Variants in DNAH14 observed in about 807,000 individuals in gnomAD.
DNAH14 encodes the protein axonemal beta dynein heavy chain 14.
A neutral mutation model predicts 520.9 loss-of-function variants in DNAH14; 478 were observed. That is an observed-to-expected ratio of 0.92 (90% CI 0.85 to 0.99). The LOEUF (loss-of-function observed/expected upper bound fraction) is 0.99, where lower values mean the gene tolerates loss of function less well. Among genes scored for constraint, DNAH14 ranks in the 50% least tolerant of loss-of-function variants. The pLI is 0.00. For missense variants in DNAH14, 4,831 were observed against 5,234.5 expected, an observed-to-expected ratio of 0.92 and a Z score of 2.38; for synonymous variants, 1,581 against 1,757.2, an observed-to-expected ratio of 0.90 and a Z score of 2.51.
intron 36 of DNAH14, among the ~76,000 whole-genome samples, chr1:225,174,124 G>A (rs549647141): frequency 1.4e-3 from 220 of 152,166 alleles, no homozygotes; most frequent in Non-Finnish European, 2.7e-3. Context: ...GGTTGGGGGA[G>A]AGGGGAGGGA....
chr1:225,207,285 G>A lies in DNAH14; in HGVS notation c.6439+65G>A, dbSNP rs372014974. 36 of 1,379,906 alleles carry A rather than the reference G, an allele frequency of 2.6e-5. 1 individual carries two copies. Among genetic ancestry groups the A allele is most frequent in the African/African-American group, 1.4e-4 (9 of 66,536 alleles). 85.5% of individuals were successfully genotyped at this position (1,379,906 alleles called of 1,614,324 possible). The stretch of plus-strand genomic sequence containing the variant: ...AGCTAGTCAATGCTAATTCATCACC[G>A]TCTATTAGATTTTAGAAAATTTTTC... On this transcript the variant is annotated intron_variant, in intron 41 of 85. Coordinates refer to ENST00000682510, the MANE Select transcript of DNAH14 (RefSeq NM_001367479.1).
intron 81 of DNAH14, among the ~76,000 whole-genome samples, chr1:225,386,132 C>G (rs772095449): frequency 2.0e-5 from 3 of 152,030 alleles, no homozygotes; most frequent in Admixed American, 1.3e-4. Flanking sequence ...AATGGGGAAA[C>G]GATTCCCTAT....
At chr1:225,338,314 T>C in intron 68 of DNAH14, 132 bp downstream of exon 68, 2 of 1,228,094 alleles carry the variant, frequency 1.6e-6, no homozygotes, top group Non-Finnish European at 2.3e-6. Context: ...AATATTCTTT[T>C]TGTTTTTGTG....
At chr1:225,260,001 G>T in intron 46 of DNAH14, among the ~76,000 whole-genome samples, 1 of 151,912 alleles carries the variant, frequency 6.6e-6, no homozygotes, top group East Asian at 1.9e-4. Context: ...TCCTTTAAAA[G>T]ACTAAATAGT....
In DNAH14 at chr1:225,346,389, T is replaced by C. The variant is rs1414685788; in HGVS notation, c.11097+9T>C. 1 of 1,526,198 alleles carries C rather than the reference T, an allele frequency of 6.6e-7. No homozygotes were observed. 94.5% of individuals were successfully genotyped at this position (1,526,198 alleles called of 1,614,324 possible). A position where few individuals can be genotyped will look rare whatever the true frequency, so the allele number is the denominator to read the frequency against. On this transcript the variant is annotated intron_variant, in intron 70 of 85. Coordinates refer to ENST00000682510, the MANE Select transcript of DNAH14 (RefSeq NM_001367479.1). ...CAAAAAGTATTTTTAAGGTGAGATATTCTTTAGTGTGAATTTTACATGCTT... is the reference window on the plus strand; with the variant it reads ...CAAAAAGTATTTTTAAGGTGAGATACTCTTTAGTGTGAATTTTACATGCTT...
intron 10 of DNAH14, 27 bp from the exon 11 acceptor site, chr1:225,023,588 G>C: frequency 6.8e-7 from 1 of 1,477,126 alleles, no homozygotes; most frequent in Non-Finnish European, 9.0e-7. Flanking sequence ...ATCAATACTT[G>C]TTTCTCAATT....
chr1:225,352,345 C>T (rs1334630795), intron 72 of DNAH14, among the ~76,000 whole-genome samples: 1 of 152,134 alleles, frequency 6.6e-6, no homozygotes, highest in Non-Finnish European at 1.5e-5. Context: ...CACCCCCACT[C>T]AGAATACAAC....
chr1:225,348,663 AG>A (rs2095321597), intron 71 of DNAH14, among the ~76,000 whole-genome samples: 1 of 152,210 alleles, frequency 6.6e-6, no homozygotes, highest in Non-Finnish European at 1.5e-5. Context: ...AAGGTTTCTC[AG>A]ATAAACAAAC....
intron 81 of DNAH14, among the ~76,000 whole-genome samples, chr1:225,386,993 T>G (rs528522402): frequency 8.7e-4 from 133 of 152,282 alleles, no homozygotes; most frequent in Admixed American, 3.2e-3. Flanking sequence ...AACCCAAATG[T>G]CCATCAATGA....
intron 77 of DNAH14, among the ~76,000 whole-genome samples, chr1:225,370,295 A>T (rs1466555964): frequency 2.0e-5 from 3 of 150,294 alleles, no homozygotes; most frequent in Non-Finnish European, 3.0e-5. Flanking sequence ...AACAAAAAAC[A>T]AACAAACAAA....
chr1:224,968,066 T>C, intron 6 of DNAH14: 1 of 582,382 alleles, frequency 1.7e-6, no homozygotes, highest in Non-Finnish European at 2.2e-6. Flanking sequence ...TTTTCTGCCT[T>C]CCCAGCCTCC....
Position 225,003,949 on chromosome 1 carries a change from T to TA in DNAH14, c.975+1026dup, listed in dbSNP as rs544275737. ...ATGGGTGGGAAGGCATAAAAGACTTTAAAATACCTTTGAAGTCTGTGCCTT... is the reference window on the plus strand; with the variant it reads ...ATGGGTGGGAAGGCATAAAAGACTTTAAAAATACCTTTGAAGTCTGTGCCTT... On this transcript the variant is annotated intron_variant, in intron 9 of 85. Coordinates refer to ENST00000682510, the MANE Select transcript of DNAH14 (RefSeq NM_001367479.1). Among the ~76,000 whole-genome samples the TA allele has an allele frequency of 3.7e-4, 57 of 152,154 alleles. 1 individual carries two copies. The highest frequency in any genetic ancestry group is 2.7e-3 in the Admixed American group (41 of 15,268).
rs144192924 is a variant in DNAH14 at position 225,339,094 on chromosome 1, C to T, written c.10433+912C>T. Among the ~76,000 whole-genome samples, 5 of 147,184 alleles carry T rather than the reference C, an allele frequency of 3.4e-5. No homozygotes were observed. The East Asian group carries it at 6.0e-4, about 18-fold the overall frequency. On this transcript the variant is annotated intron_variant, in intron 68 of 85. Coordinates refer to ENST00000682510, the MANE Select transcript of DNAH14 (RefSeq NM_001367479.1). ...GGTGGATCACCTGAGGTCAGGAGTT[C>T]GAGACAAGCCTGACCAACATGGTGA...
At chr1:225,312,567 T>C (rs552379023) in intron 60 of DNAH14, among the ~76,000 whole-genome samples, 26 of 152,214 alleles carry the variant, frequency 1.7e-4, no homozygotes, top group South Asian at 4.1e-4. Context: ...TTCGGTATGA[T>C]ATTGGCTGTA....
intron 1 of DNAH14, among the ~76,000 whole-genome samples, chr1:224,935,267 G>A (rs1256285116): frequency 6.6e-6 from 1 of 151,790 alleles, no homozygotes; most frequent in Non-Finnish European, 1.5e-5. Flanking sequence ...AACATAAATG[G>A]ATTATTCACT....
At chr1:225,158,252 A>G (rs941686559) in intron 34 of DNAH14, among the ~76,000 whole-genome samples, 2 of 152,168 alleles carry the variant, frequency 1.3e-5, no homozygotes, top group African/African-American at 4.8e-5. Context: ...AACTTATATT[A>G]GTATGCTTTT....
chr1:225,352,566 A>G (rs530992207), intron 72 of DNAH14, among the ~76,000 whole-genome samples: 3 of 152,262 alleles, frequency 2.0e-5, no homozygotes, highest in Admixed American at 6.5e-5. Flanking sequence ...TGAAAAGTCT[A>G]TGATAACTTA....
At chr1:225,217,083 G>C (rs2089455858) in intron 41 of DNAH14, among the ~76,000 whole-genome samples, 1 of 151,744 alleles carries the variant, frequency 6.6e-6, no homozygotes, top group African/African-American at 2.4e-5. Flanking sequence ...TGGGGTTTTG[G>C]TGTGGATGTC....
rs1373073403 is a variant in DNAH14 at position 225,257,952 on chromosome 1, T to A, written c.6866-8T>A. On this transcript the variant is annotated splice_polypyrimidine_tract_variant and splice_region_variant and intron_variant, in intron 44 of 85. Coordinates refer to ENST00000682510, the MANE Select transcript of DNAH14 (RefSeq NM_001367479.1). Reference sequence around the variant, plus strand: ...TCATTTGAAACTTTTTTTAAAATGTTAACTTAGGAACTTCATTACTAACTA... The same window carrying A: ...TCATTTGAAACTTTTTTTAAAATGTAAACTTAGGAACTTCATTACTAACTA... 3 of 1,540,178 alleles carry A rather than the reference T, an allele frequency of 1.9e-6. No homozygotes were observed. The highest frequency in any genetic ancestry group is 2.6e-6 in the Non-Finnish European group (3 of 1,142,838).
Sources: allele counts gnomAD v4.1 joint callset (sites outside exome capture counted in the v4.1 genomes callset), GRCh38; gene constraint gnomAD v4.1.1; transcripts MANE v1.5; gene names NCBI Gene and HGNC (gene_info 2026-07-23, HGNC 2026-07-21).